RBM15B: variants seen among roughly 807,000 people sequenced by gnomAD.
RBM15B encodes RNA binding motif protein 15B.
RBM15B carries 11 observed loss-of-function variants against 53.3 expected under a neutral mutation model. That is an observed-to-expected ratio of 0.21 (90% CI 0.13 to 0.34). The LOEUF (loss-of-function observed/expected upper bound fraction) is 0.34, where lower values mean the gene tolerates loss of function less well. Ranked by LOEUF, RBM15B falls within the 10% of genes least tolerant of loss-of-function variation. RBM15B has a pLI of 1.00. For missense variants in RBM15B, 1,136 were observed against 1,250.3 expected (o/e 0.91, Z 1.38); for synonymous variants, 631 against 540.7 (o/e 1.17, Z -2.32).
In RBM15B at chr3:51,391,345, T is replaced by TCCG. The variant is rs1437711702; in HGVS notation, c.-44_-42dup. On this transcript the variant is annotated 5_prime_UTR_variant, in exon 1 of 1. Transcript: ENST00000563281. The surrounding 1 kb of genome is among the most constrained non-coding windows in gnomAD (Gnocchi z 4.5). ...GGGCGCTGCCTCCTCGGCCGCCGCC[T>TCCG]CCGCCGCCGCCGCTGTGAGAAACCT... The TCCG allele has an allele frequency of 4.4e-5, 52 of 1,175,126 alleles. No individual in the cohort carries two copies. The highest frequency in any genetic ancestry group is 5.2e-5 in the Non-Finnish European group (50 of 952,746). The allele number at this position is 1,175,126 out of a possible 1,614,324, so 72.8% of individuals were successfully genotyped here. A position where few individuals can be genotyped will look rare whatever the true frequency, so the allele number is the denominator to read the frequency against.
rs920423083 is a variant in RBM15B, at chr3:51,394,768, T to G, written c.*696T>G. 6.0e-6 allele frequency: 1 copy of G among 167,002 alleles called. No individual in the cohort carries two copies. The highest frequency in any genetic ancestry group is 1.9e-4 in the East Asian group (1 of 5,210). 10.3% of individuals were successfully genotyped at this position (167,002 alleles called of 1,614,324 possible). A position where few individuals can be genotyped will look rare whatever the true frequency, so the allele number is the denominator to read the frequency against. On this transcript the variant is annotated 3_prime_UTR_variant, in exon 1 of 1. Coordinates refer to ENST00000563281, the MANE Select transcript of RBM15B (RefSeq NM_013286.5). ...TGTTTGTTTGGGACAGAGTGCCCAC[T>G]CAGCATGTTTGGCAGCAGGTAGCCT...
chr3:51,396,100 ATGT>A lies in RBM15B; in HGVS notation c.*2033_*2035del, dbSNP rs1219965688. The A allele has an allele frequency of 7.3e-6, 3 of 410,118 alleles. No homozygotes were observed. Among genetic ancestry groups the A allele is most frequent in the Admixed American group, 4.4e-5 (1 of 22,624 alleles). 25.4% of individuals were successfully genotyped at this position (410,118 alleles called of 1,614,324 possible). ...AGTCACAGGCCAGAGCTGCCTTGGT[ATGT>A]TGTTAAGTCCAAAACTTCTTCTCTG... On this transcript the variant is annotated 3_prime_UTR_variant, in exon 1 of 1. Coordinates refer to ENST00000563281, the MANE Select transcript of RBM15B (RefSeq NM_013286.5).
Position 51,391,341 on chromosome 3 carries a change from C to A in RBM15B, c.-59C>A, listed in dbSNP as rs1393203671. Reference sequence around the variant, plus strand: ...CCGGGGGCGCTGCCTCCTCGGCCGCCGCCTCCGCCGCCGCCGCTGTGAGAA... The same window carrying A: ...CCGGGGGCGCTGCCTCCTCGGCCGCAGCCTCCGCCGCCGCCGCTGTGAGAA... On this transcript the variant is annotated 5_prime_UTR_variant, in exon 1 of 1. Transcript: ENST00000563281. The surrounding 1 kb of genome is among the most constrained non-coding windows in gnomAD (Gnocchi z 4.5). The A allele has an allele frequency of 1.5e-5, 18 of 1,178,238 alleles. No homozygotes were observed. The highest frequency in any genetic ancestry group is 1.7e-5 in the Non-Finnish European group (16 of 954,264). 73.0% of individuals were successfully genotyped at this position (1,178,238 alleles called of 1,614,324 possible).
In RBM15B at chr3:51,391,508, G is replaced by T; in HGVS notation, c.109G>T (p.Ala37Ser). The T allele has an allele frequency of 8.2e-7, 1 of 1,219,786 alleles. No individual in the cohort carries two copies. The highest frequency in any genetic ancestry group is 1.0e-6 in the Non-Finnish European group (1 of 980,408). 75.6% of individuals were successfully genotyped at this position (1,219,786 alleles called of 1,614,324 possible). The part of the protein sequence containing the change: ...EREAEAGGRR[A>S]AHKASGGAKH... ...GGAGGCGGAGGCGGGCGGGCGGCGG[G>T]CGGCGCACAAGGCCTCTGGCGGCGC... Residue 37 changes from alanine to serine, a missense_variant, in exon 1 of 1, where the codon GCG becomes TCG. Ala to Ser is a moderately conservative substitution (Grantham distance 99). Transcript: ENST00000563281. The surrounding 1 kb of genome is among the most constrained non-coding windows in gnomAD (Gnocchi z 4.5).
In RBM15B at chr3:51,396,117, ACTT is replaced by A. The variant is rs1191401070; in HGVS notation, c.*2051_*2053del. 31 of 407,566 alleles carry A rather than the reference ACTT, an allele frequency of 7.6e-5. No homozygotes were observed. Among genetic ancestry groups the A allele is most frequent in the Admixed American group, 1.8e-4 (4 of 22,536 alleles). 25.2% of individuals were successfully genotyped at this position (407,566 alleles called of 1,614,324 possible). A position where few individuals can be genotyped will look rare whatever the true frequency, so the allele number is the denominator to read the frequency against. On this transcript the variant is annotated 3_prime_UTR_variant, in exon 1 of 1. Transcript: ENST00000563281. ...GCCTTGGTATGTTGTTAAGTCCAAA[ACTT>A]CTTCTCTGGGCTACCTATCTTCCTT...
Position 51,395,523 on chromosome 3 carries a change from ATTC to A in RBM15B, c.*1455_*1457del. The A allele has an allele frequency of 3.0e-6, 1 of 332,174 alleles. No individual in the cohort carries two copies. Among genetic ancestry groups the A allele is most frequent in the African/African-American group, 2.1e-5 (1 of 47,194 alleles). The allele number at this position is 332,174 out of a possible 1,614,324, so 20.6% of individuals were successfully genotyped here. On this transcript the variant is annotated 3_prime_UTR_variant, in exon 1 of 1. Transcript: ENST00000563281. The stretch of plus-strand genomic sequence containing the variant: ...GTCACCATGGAACACCCCAAATGCC[ATTC>A]TTCAGCGTGTCTGGTACCTTGGATG...
chr3:51,392,875 AGAG>A lies in RBM15B; in HGVS notation c.1480_1482del (p.Glu494del). On this transcript the variant is annotated inframe_deletion, in exon 1 of 1. Transcript: ENST00000563281. This position sits in a 1 kb window ranked among gnomAD's most constrained non-coding sequence, Gnocchi z 7.5. ...GGCTCCGCGTGGATTTTGCCAAAGC[AGAG>A]GAGACTCGGTACCCCCAGCAGTACC... is the stretch of plus-strand genomic sequence containing the variant. 6.2e-7 allele frequency: 1 copy of A among 1,614,018 alleles called. No homozygotes were observed. Among genetic ancestry groups the A allele is most frequent in the East Asian group, 2.2e-5 (1 of 44,876 alleles).
In RBM15B at chr3:51,394,086, T is replaced by A. The variant is rs2089091887; in HGVS notation, c.*14T>A. On this transcript the variant is annotated 3_prime_UTR_variant, in exon 1 of 1. Transcript: ENST00000563281. The stretch of plus-strand genomic sequence containing the variant: ...GACACTGCCTAGCCCAAGCCTGTCT[T>A]TCCCAGCGTCATGTTTGTGTCACAA... 7.1e-7 allele frequency: 1 copy of A among 1,408,008 alleles called. No individual in the cohort carries two copies. The highest frequency in any genetic ancestry group is 9.3e-7 in the Non-Finnish European group (1 of 1,076,576). The allele number at this position is 1,408,008 out of a possible 1,614,324, so 87.2% of individuals were successfully genotyped here. A position where few individuals can be genotyped will look rare whatever the true frequency, so the allele number is the denominator to read the frequency against.
At position 51,397,102 on chromosome 3, in the gene RBM15B, A is replaced by G. The variant is rs2089251967; in HGVS notation, c.*3030A>G. 6.0e-6 allele frequency: 1 copy of G among 167,036 alleles called. No individual in the cohort carries two copies. The highest frequency in any genetic ancestry group is 2.4e-5 in the African/African-American group (1 of 41,434). The allele number at this position is 167,036 out of a possible 1,614,324, so 10.3% of individuals were successfully genotyped here. The stretch of plus-strand genomic sequence containing the variant: ...TCTTGTGTTTCTTGTTTACTTCACA[A>G]CCAAATTTGTCCCCTCTTCTCTCTG... On this transcript the variant is annotated 3_prime_UTR_variant, in exon 1 of 1. Coordinates refer to ENST00000563281, the MANE Select transcript of RBM15B (RefSeq NM_013286.5).
chr3:51,395,881 G>A lies in RBM15B; in HGVS notation c.*1809G>A. The A allele has an allele frequency of 2.4e-6, 1 of 413,524 alleles. No individual in the cohort carries two copies. Among genetic ancestry groups the A allele is most frequent in the Non-Finnish European group, 4.4e-6 (1 of 226,154 alleles). 25.6% of individuals were successfully genotyped at this position (413,524 alleles called of 1,614,324 possible). A position where few individuals can be genotyped will look rare whatever the true frequency, so the allele number is the denominator to read the frequency against. On this transcript the variant is annotated 3_prime_UTR_variant, in exon 1 of 1. Transcript: ENST00000563281. ...AGCAACACAAAGACATGTTAAGCAT[G>A]TTTATTTATTTGCCTGTTTTTGTTT...
chr3:51,393,262 G>A lies in RBM15B; in HGVS notation c.1863G>A (p.Gly621=), dbSNP rs1427634387. The A allele has an allele frequency of 1.2e-6, 2 of 1,612,898 alleles. No individual in the cohort carries two copies. The highest frequency in any genetic ancestry group is 1.3e-5 in the African/African-American group (1 of 74,882). ...AACGGAGTAGGACCAAGGGCAGTGG[G>A]CAGCAGTCAGAGCGGGGCTCCGACC... is the stretch of plus-strand genomic sequence containing the variant. ...YEERSRTKGS[G]QQSERGSDRT... The change falls in exon 1 of 1, where the codon GGG becomes GGA. Residue 621 remains glycine (G), a synonymous_variant. Coordinates refer to ENST00000563281, the MANE Select transcript of RBM15B (RefSeq NM_013286.5). This position sits in a 1 kb window ranked among gnomAD's most constrained non-coding sequence, Gnocchi z 5.6.
At position 51,393,825 on chromosome 3, in the gene RBM15B, T is replaced by C. The variant is rs1553622069; in HGVS notation, c.2426T>C (p.Met809Thr). The C allele has an allele frequency of 6.2e-7, 1 of 1,611,874 alleles. No homozygotes were observed. Among genetic ancestry groups the C allele is most frequent in the Non-Finnish European group, 8.5e-7 (1 of 1,179,272 alleles). Residue 809 changes from methionine (M) to threonine (T), a missense_variant, in exon 1 of 1, where the codon ATG becomes ACG. This residue lies in a region of RBM15B where 578 missense variants were observed against 581.6 expected (regional missense o/e 0.99). Transcript: ENST00000563281. This position sits in a 1 kb window ranked among gnomAD's most constrained non-coding sequence, Gnocchi z 5.6. ...CCCAGTGGGCTTGGCACTGAGGGGA[T>C]GCCCACAGTAGAGCCCGGTCTGCAG... ...ATPSGLGTEG[M>T]PTVEPGLQRR...
At position 51,395,585 on chromosome 3, in the gene RBM15B, A is replaced by G. The variant is rs2089150760; in HGVS notation, c.*1513A>G. On this transcript the variant is annotated 3_prime_UTR_variant, in exon 1 of 1. Coordinates refer to ENST00000563281, the MANE Select transcript of RBM15B (RefSeq NM_013286.5). ...GGGAACACTGTCAGGGCTGAGGAGA[A>G]CAGAAGCTCTGGTAAGCGAATGAGC... The G allele has an allele frequency of 5.0e-6, 2 of 398,360 alleles. No individual in the cohort carries two copies. Among genetic ancestry groups the G allele is most frequent in the Non-Finnish European group, 9.2e-6 (2 of 217,356 alleles). 24.7% of individuals were successfully genotyped at this position (398,360 alleles called of 1,614,324 possible). A position where few individuals can be genotyped will look rare whatever the true frequency, so the allele number is the denominator to read the frequency against.
rs2106697267 is a variant in RBM15B at position 51,397,867 on chromosome 3, T to C, written c.*3795T>C. 1 of 167,100 alleles carries C rather than the reference T, an allele frequency of 6.0e-6. No homozygotes were observed. The allele number at this position is 167,100 out of a possible 1,614,324, so 10.4% of individuals were successfully genotyped here. A position where few individuals can be genotyped will look rare whatever the true frequency, so the allele number is the denominator to read the frequency against. ...AACAAAGACAGACTTGTAGTTTATTTTGTATTTTTTTTAAATAAATACACT... is the reference window on the plus strand; with the variant it reads ...AACAAAGACAGACTTGTAGTTTATTCTGTATTTTTTTTAAATAAATACACT... On this transcript the variant is annotated 3_prime_UTR_variant, in exon 1 of 1. Coordinates refer to ENST00000563281, the MANE Select transcript of RBM15B (RefSeq NM_013286.5).
At position 51,391,839 on chromosome 3, in the gene RBM15B, G is replaced by A. The variant is rs781929069; in HGVS notation, c.440G>A (p.Ser147Asn). ...AAGACGTTGCTCATCAGCAGCTTGA[G>A]CCCCGCGCTGCCCGCCGAGCACCTC... ...EYKTLLISSL[S>N]PALPAEHLED... The change falls in exon 1 of 1, where the codon AGC becomes AAC. Residue 147 changes from serine to asparagine, a missense_variant. Ser to Asn is a conservative substitution (Grantham distance 46). Transcript: ENST00000563281. This position sits in a 1 kb window ranked among gnomAD's most constrained non-coding sequence, Gnocchi z 4.5. The A allele has an allele frequency of 4.4e-6, 7 of 1,602,606 alleles. No individual in the cohort carries two copies. The highest frequency in any genetic ancestry group is 3.3e-5 in the Admixed American group (2 of 60,004).
chr3:51,391,810 G>A lies in RBM15B; in HGVS notation c.411G>A (p.Glu137=), dbSNP rs1553621575. Residue 137 remains glutamate (E), a synonymous_variant, in exon 1 of 1, where the codon GAG becomes GAA. Transcript: ENST00000563281. This position sits in a 1 kb window ranked among gnomAD's most constrained non-coding sequence, Gnocchi z 4.5. ...ACPGSSAAAP[E]YKTLLISSLS... ...CCGGCTCATCCGCGGCCGCGCCTGAGTACAAGACGTTGCTCATCAGCAGCT... is the reference window on the plus strand; with the variant it reads ...CCGGCTCATCCGCGGCCGCGCCTGAATACAAGACGTTGCTCATCAGCAGCT... The A allele has an allele frequency of 3.8e-6, 6 of 1,599,776 alleles. No homozygotes were observed. The Admixed American group carries it at 5.0e-5, about 13-fold the overall frequency.
rs1395895411 is a variant in RBM15B, at chr3:51,396,398, A to G, written c.*2326A>G. ...AACCACTTCCTTCCTTTGGCTCTTA[A>G]GACCTAGCAGGTTCTGTGAACTCTC... On this transcript the variant is annotated 3_prime_UTR_variant, in exon 1 of 1. Transcript: ENST00000563281. The G allele has an allele frequency of 6.0e-6, 1 of 167,380 alleles. No individual in the cohort carries two copies. The highest frequency in any genetic ancestry group is 2.4e-5 in the African/African-American group (1 of 41,436). The allele number at this position is 167,380 out of a possible 1,614,324, so 10.4% of individuals were successfully genotyped here.
At position 51,395,821 on chromosome 3, in the gene RBM15B, G is replaced by T. The variant is rs940644900; in HGVS notation, c.*1749G>T. On this transcript the variant is annotated 3_prime_UTR_variant, in exon 1 of 1. Coordinates refer to ENST00000563281, the MANE Select transcript of RBM15B (RefSeq NM_013286.5). ...CCTCGGTGATGTGGAATGGACAGGT[G>T]CCTCGCAAGAGAGCAAGCACGTTCA... The T allele has an allele frequency of 4.8e-6, 2 of 413,538 alleles. No individual in the cohort carries two copies. The highest frequency in any genetic ancestry group is 8.8e-6 in the Non-Finnish European group (2 of 226,154). 25.6% of individuals were successfully genotyped at this position (413,538 alleles called of 1,614,324 possible).
rs1391996431 is a variant in RBM15B, at chr3:51,391,594, C to T, written c.195C>T (p.Gly65=). Residue 65 remains glycine, a synonymous_variant, in exon 1 of 1, where the codon GGC becomes GGT. Transcript: ENST00000563281. This position sits in a 1 kb window ranked among gnomAD's most constrained non-coding sequence, Gnocchi z 4.5. ...CCCGCGGCAGCGGAAGCGGCGGGGG[C>T]GGGCATCGCGACGGCCGCGGCACCG... ...DKPRGSGSGG[G]GHRDGRGTGD... 34 of 1,178,434 alleles carry T rather than the reference C, an allele frequency of 2.9e-5. No homozygotes were observed. The highest frequency in any genetic ancestry group is 3.6e-5 in the Non-Finnish European group (34 of 954,160). The allele number at this position is 1,178,434 out of a possible 1,614,324, so 73.0% of individuals were successfully genotyped here.
Sources: gnomAD v4.1 joint callset for allele counts on GRCh38, gnomAD v4.1.1 for gene constraint, gnomAD v4.1.1 regional missense constraint, Gnocchi (gnomAD v3.1) non-coding constraint, MANE v1.5 for transcripts, NCBI Gene and HGNC (gene_info 2026-07-23, HGNC 2026-07-21) for gene names.